The following GPC6 variants were observed in gnomAD, a reference collection of about 807,000 sequenced individuals.
GPC6 encodes glypican-6.
Under a neutral mutation model 55.2 loss-of-function variants are expected in GPC6, and 14 were observed. The observed-to-expected ratio is 0.25, with a 90% CI of 0.17 to 0.40. The LOEUF (loss-of-function observed/expected upper bound fraction) is 0.40, where lower values mean the gene tolerates loss of function less well. Among genes scored for constraint, GPC6 ranks in the 10% least tolerant of loss-of-function variants. The pLI, the probability that GPC6 is intolerant of heterozygous loss-of-function variation, is 1.00. For missense variants in GPC6, 641 were observed against 708.5 expected (o/e 0.90, Z 1.08); for synonymous variants, 278 against 259.6 (o/e 1.07, Z -0.68).
chr13:93,646,842 C>A (rs1328364644), intron 2 of GPC6, among the ~76,000 whole-genome samples: 1 of 148,082 alleles, frequency 6.8e-6, no homozygotes, highest in Non-Finnish European at 1.5e-5. Flanking sequence ...TTTTTGGTTC[C>A]GTGTTATCAT....
chr13:94,065,106 T>G (rs527943258), intron 4 of GPC6, among the ~76,000 whole-genome samples: 5 of 152,330 alleles, frequency 3.3e-5, no homozygotes, highest in East Asian at 1.9e-4. Flanking sequence ...CATTTTTTTT[T>G]TGTGATGTGT....
chr13:94,019,115 G>A (rs569900304), intron 3 of GPC6, among the ~76,000 whole-genome samples: 1 of 152,192 alleles, frequency 6.6e-6, no homozygotes, highest in South Asian at 2.1e-4. Flanking sequence ...TCTGTTTTTT[G>A]GAAGAGTTTA....
At chr13:93,727,157 TAA>T (rs778695346) in intron 2 of GPC6, among the ~76,000 whole-genome samples, 13 of 152,142 alleles carry the variant, frequency 8.5e-5, no homozygotes, top group Middle Eastern at 3.2e-3. Flanking sequence ...GTGGAGCACC[TAA>T]GTCGATTACT....
chr13:93,971,722 C>T (rs889824507), intron 3 of GPC6, among the ~76,000 whole-genome samples: 4 of 152,158 alleles, frequency 2.6e-5, no homozygotes, highest in Admixed American at 6.5e-5. Context: ...TGGCTTTTGG[C>T]TTTTCCTCAG....
intron 6 of GPC6, among the ~76,000 whole-genome samples, chr13:94,358,950 A>G (rs538396281): frequency 6.6e-6 from 1 of 152,344 alleles, no homozygotes; most frequent in East Asian, 1.9e-4. Context: ...CTTGTTGTGG[A>G]GTCACCTTTT....
intron 2 of GPC6, among the ~76,000 whole-genome samples, chr13:93,822,026 A>ATTT: frequency 5.6e-5 from 1 of 17,968 alleles, no homozygotes; most frequent in South Asian, 1.6e-3. Context: ...ACATATATAC[A>ATTT]TAATATGTAT....
intron 6 of GPC6, among the ~76,000 whole-genome samples, chr13:94,346,721 A>G (rs915068100): frequency 6.8e-6 from 1 of 146,204 alleles, no homozygotes; most frequent in South Asian, 2.2e-4. Context: ...ACTCCTCTCA[A>G]AAAAAAAAAA....
intron 4 of GPC6, among the ~76,000 whole-genome samples, chr13:94,155,455 A>T (rs1390478861): frequency 3.3e-5 from 5 of 152,174 alleles, no homozygotes. Flanking sequence ...ATGAACAGTA[A>T]CCACCTTTCT....
chr13:93,470,825 G>A (rs1879083995), intron 1 of GPC6, among the ~76,000 whole-genome samples: 2 of 151,330 alleles, frequency 1.3e-5, no homozygotes, highest in African/African-American at 4.9e-5. Context: ...TTTTAAATCG[G>A]ATGATAAATG....
chr13:93,640,339 C>T (rs1340632911), intron 2 of GPC6, among the ~76,000 whole-genome samples: 1 of 151,972 alleles, frequency 6.6e-6, no homozygotes, highest in Non-Finnish European at 1.5e-5. Flanking sequence ...TTACTATATG[C>T]CAAGTACATT....
At chr13:94,032,248 G>A (rs1256951495) in intron 4 of GPC6, among the ~76,000 whole-genome samples, 1 of 151,986 alleles carries the variant, frequency 6.6e-6, no homozygotes, top group Non-Finnish European at 1.5e-5. Flanking sequence ...TTGCCCTTAG[G>A]GAATTTAACA....
At chr13:94,376,853 T>G (rs1221527473) in intron 6 of GPC6, among the ~76,000 whole-genome samples, 1 of 151,218 alleles carries the variant, frequency 6.6e-6, no homozygotes, top group Admixed American at 6.6e-5. Context: ...AAAACAGAGA[T>G]ATAGATCAAT....
intron 1 of GPC6, among the ~76,000 whole-genome samples, chr13:93,343,373 C>T (rs556461807): frequency 1.3e-5 from 2 of 152,168 alleles, no homozygotes; most frequent in African/African-American, 2.4e-5. Context: ...CAGAGACCAT[C>T]GAGCCTGTGA....
chr13:93,369,916 T>G (rs181638394), intron 1 of GPC6, among the ~76,000 whole-genome samples: 1 of 152,284 alleles, frequency 6.6e-6, no homozygotes, highest in African/African-American at 2.4e-5. Context: ...GTATTCAAGC[T>G]AACTGACAAG....
intron 3 of GPC6, among the ~76,000 whole-genome samples, chr13:93,924,643 G>A (rs559492256): frequency 4.3e-4 from 65 of 150,696 alleles, no homozygotes; most frequent in African/African-American, 1.5e-3. Flanking sequence ...CTTTGACTTC[G>A]GTTAATTGAT....
chr13:94,087,570 T>C (rs1885331887), intron 4 of GPC6, among the ~76,000 whole-genome samples: 1 of 152,198 alleles, frequency 6.6e-6, no homozygotes. Context: ...TCTCATCAAG[T>C]GTGGACGGCA....
chr13:93,433,965 G>A (rs1877469272), intron 1 of GPC6, among the ~76,000 whole-genome samples: 1 of 152,182 alleles, frequency 6.6e-6, no homozygotes, highest in African/African-American at 2.4e-5. Context: ...GTTCCCAGCT[G>A]TGTGACCTTG....
At chr13:93,917,277 C>T (rs1001930225) in intron 3 of GPC6, among the ~76,000 whole-genome samples, 2 of 152,030 alleles carry the variant, frequency 1.3e-5, no homozygotes, top group African/African-American at 4.8e-5. Context: ...CTCATTCACT[C>T]TTATGAAAAC....
chr13:93,366,349 G>A (rs558674314), intron 1 of GPC6, among the ~76,000 whole-genome samples: 3 of 152,156 alleles, frequency 2.0e-5, no homozygotes, highest in South Asian at 2.1e-4. Context: ...TTCTGATGGA[G>A]CAGCATGTCA....
Sources: gnomAD v4.1 joint callset for allele counts (sites outside exome capture counted in the v4.1 genomes callset) on GRCh38, gnomAD v4.1.1 for gene constraint, MANE v1.5 for transcripts, NCBI Gene and HGNC (gene_info 2026-07-23, HGNC 2026-07-21) for gene names.